The following ABCC12 variants were observed in gnomAD, a reference collection of about 807,000 sequenced individuals.
ABCC12 encodes ATP-binding cassette sub-family C member 12.
Under a neutral mutation model 151.1 loss-of-function variants are expected in ABCC12, and 142 were observed. That is an observed-to-expected ratio of 0.94 (90% CI 0.82 to 1.08). The LOEUF is 1.08. Ranked by LOEUF, ABCC12 falls within the 50% of genes least tolerant of loss-of-function variation. The probability of loss-of-function intolerance (pLI) is 0.00; values close to 1 mark genes in which losing one functional copy is unlikely to be tolerated. For missense variants in ABCC12, 1,638 were observed against 1,691.1 expected (o/e 0.97, Z 0.55); for synonymous variants, 645 against 646.4 (o/e 1.00, Z 0.03).
At chr16:48,125,400 TGCAGA>T (rs1378564994) in intron 11 of ABCC12, among the ~76,000 whole-genome samples, 1 of 152,110 alleles carries the variant, frequency 6.6e-6, no homozygotes, top group Non-Finnish European at 1.5e-5. Flanking sequence ...TATGGAGGTG[TGCAGA>T]GCCCTTGGGC....
chr16:48,100,298 G>T (rs565874433), intron 23 of ABCC12, among the ~76,000 whole-genome samples: 1 of 152,174 alleles, frequency 6.6e-6, no homozygotes, highest in Non-Finnish European at 1.5e-5. Flanking sequence ...GAAGTTTGAA[G>T]CTGGAAGATG....
intron 6 of ABCC12, among the ~76,000 whole-genome samples, chr16:48,139,768 A>C (rs1183297651): frequency 6.6e-6 from 1 of 152,188 alleles, no homozygotes; most frequent in Non-Finnish European, 1.5e-5. Flanking sequence ...TGTAAGCCAA[A>C]GTGTAGAATG....
chr16:48,097,656 C>T (rs886967256), intron 23 of ABCC12, among the ~76,000 whole-genome samples: 1 of 152,138 alleles, frequency 6.6e-6, no homozygotes, highest in African/African-American at 2.4e-5. Flanking sequence ...ATCCCATCAG[C>T]TCCACAGTTC....
In ABCC12 at chr16:48,113,444, T is replaced by C. The variant is rs147766099; in HGVS notation, c.1990-1534A>G. 4.9e-3 allele frequency among the ~76,000 whole-genome samples: 745 copies of C among 152,312 alleles called. 3 individuals are homozygous for C. Among genetic ancestry groups the C allele is most frequent in the African/African-American group, 0.017 (690 of 41,564 alleles). On this transcript the variant is annotated intron_variant, in intron 15 of 30. Transcript: ENST00000311303. ...AAGCCCCCAGTTCACTCCAGAGATA[T>C]GAGGCAGATTTGAGCAGCTTTGTTC... is the stretch of plus-strand genomic sequence containing the variant.
chr16:48,146,409 G>T lies in ABCC12; in HGVS notation c.16C>A (p.Pro6Thr). 6.2e-7 allele frequency: 1 copy of T among 1,614,134 alleles called. No individual in the cohort carries two copies. The highest frequency in any genetic ancestry group is 8.5e-7 in the Non-Finnish European group (1 of 1,180,010). Residue 6 changes from proline (P) to threonine (T), a missense_variant, in exon 3 of 31, where the codon CCC (proline) becomes ACC (threonine). Transcript: ENST00000311303. MVGEG[P>T]YLISDLDQRG... The stretch of plus-strand genomic sequence containing the variant: ...TGGTCCAGATCTGAGATAAGGTAGG[G>T]TCCTTCACCCACCATCCTGATGGCA...
Position 48,121,860 on chromosome 16 carries a change from G to A in ABCC12, c.1588-20C>T. On this transcript the variant is annotated intron_variant, in intron 12 of 30. Coordinates refer to ENST00000311303, the MANE Select transcript of ABCC12 (RefSeq NM_001393797.1). ...CTGCATCTGGAACAACAAGACGGGA[G>A]AAGCTTCAGGAGCCAAGCCTTGAGA... 3 of 1,613,860 alleles carry A rather than the reference G, an allele frequency of 1.9e-6. No homozygotes were observed. Among genetic ancestry groups the A allele is most frequent in the South Asian group, 1.1e-5 (1 of 90,978 alleles).
chr16:48,129,584 A>T (rs765379066), intron 10 of ABCC12, among the ~76,000 whole-genome samples: 4 of 152,192 alleles, frequency 2.6e-5, no homozygotes, highest in Non-Finnish European at 5.9e-5. Flanking sequence ...GAGAGCCTGG[A>T]GGGGACAAGG....
Position 48,107,205 on chromosome 16 carries a change from G to A in ABCC12, c.2475+117C>T, listed in dbSNP as rs1261179828. 13 of 959,868 alleles carry A rather than the reference G, an allele frequency of 1.4e-5. No homozygotes were observed. The Admixed American group carries it at 2.1e-4, about 16-fold the overall frequency. The allele number at this position is 959,868 out of a possible 1,614,324, so 59.5% of individuals were successfully genotyped here. On this transcript the variant is annotated intron_variant, in intron 20 of 30. Coordinates refer to ENST00000311303, the MANE Select transcript of ABCC12 (RefSeq NM_001393797.1). Reference sequence around the variant, plus strand: ...CATCTGACTCCCACTTCTTGAAAAGGGCAGAGGGATGCATGTGGGCTCATG... The same window carrying A: ...CATCTGACTCCCACTTCTTGAAAAGAGCAGAGGGATGCATGTGGGCTCATG...
intron 12 of ABCC12, among the ~76,000 whole-genome samples, chr16:48,123,987 A>G (rs1567453196): frequency 6.6e-6 from 1 of 152,242 alleles, no homozygotes; most frequent in Non-Finnish European, 1.5e-5. Context: ...ATGCCATTCA[A>G]TAGACCTCCT....
rs1399141690 is a variant in ABCC12, at chr16:48,082,861, G to A, written c.*854C>T. 1 of 152,148 alleles carries A rather than the reference G, an allele frequency of 6.6e-6. No individual in the cohort carries two copies. Among genetic ancestry groups the A allele is most frequent in the Non-Finnish European group, 1.5e-5 (1 of 68,022 alleles). The allele number at this position is 152,148 out of a possible 1,614,324, so 9.4% of individuals were successfully genotyped here. A position where few individuals can be genotyped will look rare whatever the true frequency, so the allele number is the denominator to read the frequency against. ...CATGAGTTAGCAGCGCTCACTCCTG[G>A]GGCTGCTGGGAATACATCTTTACTG... On this transcript the variant is annotated 3_prime_UTR_variant, in exon 31 of 31. Transcript: ENST00000311303.
rs1962321627 is a variant in ABCC12, at chr16:48,081,007, C to T, written c.*2708G>A. Reference sequence around the variant, plus strand: ...TCACAGATGATGCCTTCTATGTGTCCTCACATGGAGGAAGGGGTGAACAAG... The same window carrying T: ...TCACAGATGATGCCTTCTATGTGTCTTCACATGGAGGAAGGGGTGAACAAG... On this transcript the variant is annotated 3_prime_UTR_variant, in exon 31 of 31. Coordinates refer to ENST00000311303, the MANE Select transcript of ABCC12 (RefSeq NM_001393797.1). Among the ~76,000 whole-genome samples, 1 of 152,110 alleles carries T rather than the reference C, an allele frequency of 6.6e-6. No individual in the cohort carries two copies.
chr16:48,120,713 G>A (rs762433728), intron 13 of ABCC12, among the ~76,000 whole-genome samples: 3 of 151,796 alleles, frequency 2.0e-5, no homozygotes, highest in South Asian at 2.1e-4. Flanking sequence ...CCACCACCAC[G>A]CCCAGCTAAT....
intron 24 of ABCC12, among the ~76,000 whole-genome samples, chr16:48,093,166 A>G (rs1352989994): frequency 6.6e-6 from 1 of 152,136 alleles, no homozygotes; most frequent in Non-Finnish European, 1.5e-5. Flanking sequence ...CGCACAGAAC[A>G]GCCCCTCACC....
chr16:48,109,356 G>T (rs1449882790), intron 18 of ABCC12, among the ~76,000 whole-genome samples: 1 of 152,170 alleles, frequency 6.6e-6, no homozygotes, highest in Non-Finnish European at 1.5e-5. Flanking sequence ...TGACTGTCAA[G>T]TTCTCATGGA....
chr16:48,132,966 G>C (rs973547188), intron 9 of ABCC12, among the ~76,000 whole-genome samples: 1 of 151,956 alleles, frequency 6.6e-6, no homozygotes, highest in African/African-American at 2.4e-5. Context: ...AGGCAGACTG[G>C]GCTCCTAAGC....
intron 22 of ABCC12, among the ~76,000 whole-genome samples, chr16:48,103,272 C>A (rs918099907): frequency 6.6e-6 from 1 of 152,006 alleles, no homozygotes; most frequent in African/African-American, 2.4e-5. Flanking sequence ...GGTTTGTGGG[C>A]TAAATATTTT....
intron 20 of ABCC12, among the ~76,000 whole-genome samples, chr16:48,106,293 C>T (rs185141619): frequency 6.6e-6 from 1 of 152,142 alleles, no homozygotes. Flanking sequence ...GGGCCAAACA[C>T]ATGGTTCAAC....
At chr16:48,137,244 T>G (rs547159709) in intron 8 of ABCC12, among the ~76,000 whole-genome samples, 3 of 152,298 alleles carry the variant, frequency 2.0e-5, no homozygotes, top group Admixed American at 1.3e-4. Context: ...TCGTGGCTAT[T>G]TTTGAGCTAA....
At chr16:48,097,885 A>G (rs1963158617) in intron 23 of ABCC12, among the ~76,000 whole-genome samples, 1 of 152,156 alleles carries the variant, frequency 6.6e-6, no homozygotes, top group South Asian at 2.1e-4. Flanking sequence ...GCTGTCCCAC[A>G]TCTGCACAGT....
Sources: allele counts gnomAD v4.1 joint callset (sites outside exome capture counted in the v4.1 genomes callset), GRCh38; gene constraint gnomAD v4.1.1; transcripts MANE v1.5; gene names NCBI Gene and HGNC (gene_info 2026-07-23, HGNC 2026-07-21).